Variants in PDLIM5 observed in about 807,000 individuals in gnomAD.
PDLIM5 encodes PDZ and LIM domain protein 5.
PDLIM5 carries 34 observed loss-of-function variants against 64.2 expected under a neutral mutation model. That is an observed-to-expected ratio of 0.53 (90% CI 0.40 to 0.71). The LOEUF (loss-of-function observed/expected upper bound fraction) is 0.71. Among genes scored for constraint, PDLIM5 ranks in the 30% least tolerant of loss-of-function variants. The pLI is 0.00. For synonymous variants in PDLIM5, 253 were observed against 269.1 expected (o/e 0.94, Z 0.59); for missense variants, 683 against 733.6 (o/e 0.93, Z 0.80).
chr4:94,661,833 T>C (rs1291731745), intron 11 of PDLIM5, among the ~76,000 whole-genome samples: 1 of 152,084 alleles, frequency 6.6e-6, no homozygotes, highest in East Asian at 1.9e-4. Context: ...TTTTTTTTTT[T>C]TTTCTTTAAG....
intron 8 of PDLIM5, among the ~76,000 whole-genome samples, chr4:94,637,787 G>A (rs1444601213): frequency 1.3e-5 from 2 of 152,186 alleles, no homozygotes; most frequent in African/African-American, 4.8e-5. Flanking sequence ...CATATGATCA[G>A]AGTAGTGTTT....
At chr4:94,458,684 T>C (rs777600822) in intron 2 of PDLIM5, among the ~76,000 whole-genome samples, 1 of 152,196 alleles carries the variant, frequency 6.6e-6, no homozygotes, top group Non-Finnish European at 1.5e-5. Flanking sequence ...AATTGTGTTA[T>C]GAGATAAGCC....
intron 3 of PDLIM5, among the ~76,000 whole-genome samples, chr4:94,546,004 A>C (rs1225500810): frequency 1.3e-5 from 2 of 152,154 alleles, no homozygotes; most frequent in Non-Finnish European, 2.9e-5. Context: ...TATTTGTCTT[A>C]AGTGGAGCTA....
chr4:94,524,359 A>G (rs1730136596), intron 3 of PDLIM5, among the ~76,000 whole-genome samples: 1 of 116,736 alleles, frequency 8.6e-6, no homozygotes, highest in African/African-American at 3.5e-5. Flanking sequence ...ACAGAACGAG[A>G]CCCTGTCTCA....
intron 3 of PDLIM5, among the ~76,000 whole-genome samples, chr4:94,546,338 A>G (rs771621218): frequency 1.3e-5 from 2 of 152,090 alleles, no homozygotes; most frequent in South Asian, 2.1e-4. Flanking sequence ...CCACACATCT[A>G]TATACACACA....
At chr4:94,508,763 T>C (rs1728613286) in intron 2 of PDLIM5, among the ~76,000 whole-genome samples, 1 of 152,240 alleles carries the variant, frequency 6.6e-6, no homozygotes, top group Non-Finnish European at 1.5e-5. Context: ...CATCCTATAC[T>C]GTGCTCTTTA....
intron 1 of PDLIM5, among the ~76,000 whole-genome samples, chr4:94,454,550 T>C (rs1420509096): frequency 6.6e-6 from 1 of 152,198 alleles, no homozygotes; most frequent in Non-Finnish European, 1.5e-5. Flanking sequence ...GTGAGGTGTG[T>C]GTATAAAACA....
chr4:94,529,061 A>G (rs151246939), intron 3 of PDLIM5, among the ~76,000 whole-genome samples: 238 of 152,328 alleles, frequency 1.6e-3, no homozygotes, highest in Admixed American at 3.3e-3. Flanking sequence ...AAGTGGCGAG[A>G]ACTTGTAGGG....
chr4:94,648,590 G>A (rs780146196), intron 9 of PDLIM5, among the ~76,000 whole-genome samples: 29 of 152,024 alleles, frequency 1.9e-4, no homozygotes, highest in African/African-American at 6.5e-4. Context: ...GTGAGCCACC[G>A]CACCCGGCCA....
At chr4:94,586,159 C>T (rs574841518) in intron 6 of PDLIM5, among the ~76,000 whole-genome samples, 31 of 151,838 alleles carry the variant, frequency 2.0e-4, no homozygotes, top group Non-Finnish European at 3.4e-4. Context: ...GATGGAGGGG[C>T]TCTGTCTCAA....
chr4:94,519,402 T>C (rs1291071625), intron 2 of PDLIM5, among the ~76,000 whole-genome samples: 2 of 152,194 alleles, frequency 1.3e-5, no homozygotes, highest in Non-Finnish European at 2.9e-5. Context: ...GGAATTATAG[T>C]CCTCATTTTC....
intron 11 of PDLIM5, among the ~76,000 whole-genome samples, chr4:94,659,683 A>G (rs1742517156): frequency 1.3e-5 from 2 of 151,022 alleles, no homozygotes; most frequent in Admixed American, 6.6e-5. Context: ...ACCCGCCACC[A>G]CGCCTGGCTA....
intron 5 of PDLIM5, among the ~76,000 whole-genome samples, chr4:94,581,224 T>C (rs771815175): frequency 1.3e-5 from 2 of 152,186 alleles, no homozygotes; most frequent in African/African-American, 2.4e-5. Context: ...GACTATTCCA[T>C]TTGGGCACAT....
chr4:94,473,985 G>C (rs1725104570), intron 2 of PDLIM5, among the ~76,000 whole-genome samples: 1 of 152,100 alleles, frequency 6.6e-6, no homozygotes, highest in Non-Finnish European at 1.5e-5. Context: ...AAATCAAGGT[G>C]AAATAAAATT....
chr4:94,589,288 A>G (rs1445644880), intron 7 of PDLIM5, among the ~76,000 whole-genome samples: 1 of 152,242 alleles, frequency 6.6e-6, no homozygotes, highest in African/African-American at 2.4e-5. Context: ...TTTCCCTAAT[A>G]CAGACAAGAG....
At chr4:94,455,701 A>G in intron 2 of PDLIM5, 5 of 1,257,392 alleles carry the variant, frequency 4.0e-6, no homozygotes, top group Non-Finnish European at 5.5e-6. Context: ...TCTTTCATAT[A>G]TAATTTTCAA....
At chr4:94,532,666 A>G (rs2510780) in intron 3 of PDLIM5, among the ~76,000 whole-genome samples, 70,589 of 151,792 alleles carry the variant, frequency 0.47, 16,754 homozygotes, top group East Asian at 0.5. Context: ...CTTCAGTGGT[A>G]TACTGAGTTG....
intron 8 of PDLIM5, among the ~76,000 whole-genome samples, chr4:94,625,510 T>C (rs1315891689): frequency 6.6e-6 from 1 of 151,802 alleles, no homozygotes; most frequent in East Asian, 1.9e-4. Flanking sequence ...TGGAGTGCAG[T>C]GGCGCTATTT....
rs1349191605 is a variant in PDLIM5 at position 94,527,065 on chromosome 4, TTTTTTTTTTGA to T, written c.248+3191_248+3201del. Among the ~76,000 whole-genome samples the T allele has an allele frequency of 5.9e-3, 786 of 133,500 alleles. 14 individuals are homozygous for T. Among genetic ancestry groups the T allele is most frequent in the African/African-American group, 0.021 (702 of 34,120 alleles). 87.6% of individuals were successfully genotyped at this position (133,500 alleles called of 152,430 possible). A position where few individuals can be genotyped will look rare whatever the true frequency, so the allele number is the denominator to read the frequency against. The stretch of plus-strand genomic sequence containing the variant: ...AGCATTCTTTTTTTTTTTTTTTTTT[TTTTTTTTTTGA>T]GACAGAGTCTCACACTGTCACCCGG... On this transcript the variant is annotated intron_variant, in intron 3 of 12. Transcript: ENST00000317968.
Sources: gnomAD v4.1 joint callset for allele counts (sites outside exome capture counted in the v4.1 genomes callset) on GRCh38, gnomAD v4.1.1 for gene constraint, MANE v1.5 for transcripts, NCBI Gene and HGNC (gene_info 2026-07-23, HGNC 2026-07-21) for gene names.